The following PGR variants were observed in gnomAD, a reference collection of about 807,000 sequenced individuals.
The protein encoded by PGR is nuclear receptor subfamily 3 group C member 3.
PGR carries 25 observed loss-of-function variants against 76.1 expected under a neutral mutation model. That is an observed-to-expected ratio of 0.33 (90% CI 0.24 to 0.46). The LOEUF is 0.46. Among genes scored for constraint, PGR ranks in the 20% least tolerant of loss-of-function variants. The pLI, the probability that PGR is intolerant of heterozygous loss-of-function variation, is 1.00. For synonymous variants in PGR, 579 were observed against 535.0 expected (o/e 1.08, Z -1.14); for missense variants, 1,172 against 1,225.3 (o/e 0.96, Z 0.65).
At chr11:101,118,722 C>T (rs1003997632) in intron 2 of PGR, among the ~76,000 whole-genome samples, 2 of 152,128 alleles carry the variant, frequency 1.3e-5, no homozygotes, top group African/African-American at 2.4e-5. Context: ...CATAATATCT[C>T]ATCAGAGGAG....
intron 2 of PGR, among the ~76,000 whole-genome samples, chr11:101,105,650 G>T (rs945297979): frequency 6.6e-6 from 1 of 151,964 alleles, no homozygotes; most frequent in Non-Finnish European, 1.5e-5. Context: ...TGGCCATACT[G>T]CCCAAAGTAA....
Position 101,067,590 on chromosome 11 carries a change from C to T in PGR, c.1907-4838G>A, listed in dbSNP as rs140063426. On this transcript the variant is annotated intron_variant, in intron 3 of 7. Transcript: ENST00000325455. Reference sequence around the variant, plus strand: ...GAGCATGTATTACAGTCAGAAATTTCATGCCCAGGTGTGCAGGTTACCTAC... The same window carrying T: ...GAGCATGTATTACAGTCAGAAATTTTATGCCCAGGTGTGCAGGTTACCTAC... 9.7e-4 allele frequency among the ~76,000 whole-genome samples: 147 copies of T among 152,156 alleles called. 2 individuals carry two copies. In the East Asian group the frequency reaches 0.028, roughly 29 times the overall value.
At chr11:101,088,357 A>T (rs1169696124) in intron 3 of PGR, among the ~76,000 whole-genome samples, 1 of 152,178 alleles carries the variant, frequency 6.6e-6, no homozygotes, top group African/African-American at 2.4e-5. Context: ...CTTTTGAGAC[A>T]GTCTCGCTCT....
rs960390535 is a variant in PGR at position 101,035,543 on chromosome 11, C to T, written c.*3573G>A. ...TTGTAATTTCTAAACCCATTGTTCC[C>T]TTTTGTGGAATTGCTGCCATAGTAA... On this transcript the variant is annotated 3_prime_UTR_variant, in exon 8 of 8. Transcript: ENST00000325455. The T allele has an allele frequency of 3.0e-5, 7 of 231,934 alleles. No individual in the cohort carries two copies. Among genetic ancestry groups the T allele is most frequent in the Admixed American group, 2.3e-4 (4 of 17,734 alleles). 14.4% of individuals were successfully genotyped at this position (231,934 alleles called of 1,614,324 possible). A position where few individuals can be genotyped will look rare whatever the true frequency, so the allele number is the denominator to read the frequency against.
At chr11:101,113,952 C>G (rs952346317) in intron 2 of PGR, among the ~76,000 whole-genome samples, 1 of 152,048 alleles carries the variant, frequency 6.6e-6, no homozygotes. Context: ...TTTCATCCGC[C>G]CCCCCATCCA....
Position 101,037,705 on chromosome 11 carries a change from T to C in PGR, c.*1411A>G, listed in dbSNP as rs1214061452. ...GCAAAGGTGGAAAATTTAAAAGTAA[T>C]GAAGATAATTGATGGAGATAAAGCA... On this transcript the variant is annotated 3_prime_UTR_variant, in exon 8 of 8. Coordinates refer to ENST00000325455, the MANE Select transcript of PGR (RefSeq NM_000926.4). 1 of 226,160 alleles carries C rather than the reference T, an allele frequency of 4.4e-6. No homozygotes were observed. Among genetic ancestry groups the C allele is most frequent in the African/African-American group, 2.2e-5 (1 of 44,908 alleles). 14.0% of individuals were successfully genotyped at this position (226,160 alleles called of 1,614,324 possible).
At position 101,076,919 on chromosome 11, in the gene PGR, ATTTTTTTTT is replaced by A. The variant is rs59106149; in HGVS notation, c.1907-14176_1907-14168del. ...CTATTTTTTTAAAACTACAAATGGA[ATTTTTTTTT>A]TTTTTTTTTTTTTTTTTGCGACAGA... On this transcript the variant is annotated intron_variant, in intron 3 of 7. Coordinates refer to ENST00000325455, the MANE Select transcript of PGR (RefSeq NM_000926.4). Among the ~76,000 whole-genome samples the A allele has an allele frequency of 2.3e-3, 151 of 65,150 alleles. 1 individual carries two copies. Among genetic ancestry groups the A allele is most frequent in the East Asian group, 0.011 (44 of 4,160 alleles). The allele number at this position is 65,150 out of a possible 152,430, so 42.7% of individuals were successfully genotyped here.
intron 2 of PGR, 147 bp downstream of exon 2, chr11:101,125,860 T>C (rs1460998970): frequency 5.4e-6 from 4 of 745,498 alleles, no homozygotes; most frequent in Admixed American, 2.8e-5. Context: ...TAAAAACATA[T>C]TGTTAAAATG....
In PGR at chr11:101,127,904, C is replaced by T; in HGVS notation, c.1167G>A (p.Glu389=). 6.2e-7 allele frequency: 1 copy of T among 1,610,426 alleles called. No homozygotes were observed. Among genetic ancestry groups the T allele is most frequent in the Middle Eastern group, 1.7e-4 (1 of 6,060 alleles). Reference sequence around the variant, plus strand: ...CGGAGGCCTCCGCGCCTTCCTCCTCCTCCTTTATCTTTAGAGCGGGCGGCT... The same window carrying T: ...CGGAGGCCTCCGCGCCTTCCTCCTCTTCCTTTATCTTTAGAGCGGGCGGCT... ...DFQPPALKIK[E]EEEGAEASAR... is the part of the protein sequence containing the mutation. The change falls in exon 1 of 8, where the codon GAG becomes GAA. Residue 389 remains glutamate (E), a synonymous_variant. Coordinates refer to ENST00000325455, the MANE Select transcript of PGR (RefSeq NM_000926.4).
chr11:101,112,435 G>A (rs571696995), intron 2 of PGR, among the ~76,000 whole-genome samples: 1 of 152,240 alleles, frequency 6.6e-6, no homozygotes, highest in African/African-American at 2.4e-5. Context: ...AGGAGAGAGG[G>A]CTGGACTTGA....
At position 101,029,984 on chromosome 11, in the gene PGR, T is replaced by C. The variant is rs1167161911; in HGVS notation, c.*9132A>G. ...CAGATGAAAGGACAGTTTCACCTTC[T>C]TGGCAAAAACCTTCAGAACAATTGT... is the stretch of plus-strand genomic sequence containing the variant. On this transcript the variant is annotated 3_prime_UTR_variant, in exon 8 of 8. Coordinates refer to ENST00000325455, the MANE Select transcript of PGR (RefSeq NM_000926.4). The C allele has an allele frequency of 1.3e-5, 3 of 225,184 alleles. No individual in the cohort carries two copies. The East Asian group carries it at 1.9e-4, about 14-fold the overall frequency. The allele number at this position is 225,184 out of a possible 1,614,324, so 13.9% of individuals were successfully genotyped here.
intron 3 of PGR, among the ~76,000 whole-genome samples, chr11:101,073,300 G>A (rs1192470077): frequency 6.6e-6 from 1 of 152,130 alleles, no homozygotes; most frequent in Non-Finnish European, 1.5e-5. Flanking sequence ...CAACATACCA[G>A]AATCTCTGGG....
chr11:101,081,428 CAA>C (rs35694297), intron 3 of PGR, among the ~76,000 whole-genome samples: 4 of 138,468 alleles, frequency 2.9e-5, no homozygotes, highest in Non-Finnish European at 3.1e-5. Flanking sequence ...GGCTCCATCT[CAA>C]AAAAAAAAAA....
intron 2 of PGR, among the ~76,000 whole-genome samples, chr11:101,109,053 C>G (rs991764813): frequency 1.4e-4 from 21 of 152,170 alleles, no homozygotes; most frequent in African/African-American, 5.1e-4. Context: ...GTGCCACAAA[C>G]CTTGCCCATG....
At chr11:101,123,594 T>C (rs1862745942) in intron 2 of PGR, among the ~76,000 whole-genome samples, 1 of 152,240 alleles carries the variant, frequency 6.6e-6, no homozygotes, top group South Asian at 2.1e-4. Flanking sequence ...GTAATCTTAA[T>C]TTCTTCACTC....
Position 101,127,646 on chromosome 11 carries a change from G to C in PGR, c.1425C>G (p.Phe475Leu), listed in dbSNP as rs1175212985. Residue 475 changes from phenylalanine to leucine, a missense_variant, in exon 1 of 8, where the codon TTC becomes TTG. By Grantham distance (22) the Phe-to-Leu change is conservative (BLOSUM62 0). Around this residue, in one of 4 missense-constraint regions of PGR, gnomAD observed 893 missense variants for 785.9 expected, o/e 1.14. Coordinates refer to ENST00000325455, the MANE Select transcript of PGR (RefSeq NM_000926.4). ...CCGGCGCCTTGCAGGGCGGCGGCGC[G>C]AACGGGCCCTGCTGGGGCGGCGCGC... ...AEGAPPQQGPFAPPPCKAPGA... is the reference protein window; with the variant it reads ...AEGAPPQQGPLAPPPCKAPGA... 3 of 1,421,590 alleles carry C rather than the reference G, an allele frequency of 2.1e-6. No individual in the cohort carries two copies. The highest frequency in any genetic ancestry group is 3.1e-5 in the South Asian group (2 of 65,028). The allele number at this position is 1,421,590 out of a possible 1,614,324, so 88.1% of individuals were successfully genotyped here.
At position 101,128,983 on chromosome 11, in the gene PGR, G is replaced by C. The variant is rs1016622652; in HGVS notation, c.88C>G (p.Arg30Gly). 1.9e-6 allele frequency: 3 copies of C among 1,597,710 alleles called. No homozygotes were observed. Among genetic ancestry groups the C allele is most frequent in the Non-Finnish European group, 2.6e-6 (3 of 1,171,494 alleles). The change falls in exon 1 of 8, where the codon CGC (arginine) becomes GGC (glycine). Residue 30 changes from arginine (R) to glycine (G), a missense_variant. Around this residue, in one of 4 missense-constraint regions of PGR, gnomAD observed 893 missense variants for 785.9 expected, o/e 1.14. Transcript: ENST00000325455. ...SPEVGSPLLC[R>G]PAAGPFPGSQ... ...CCCGGGAACGGACCTGCGGCTGGGCGACACAGCAGTGGGGATCCGACCTCG... is the reference window on the plus strand; with the variant it reads ...CCCGGGAACGGACCTGCGGCTGGGCCACACAGCAGTGGGGATCCGACCTCG...
At chr11:101,049,490 A>G (rs1261798448) in intron 6 of PGR, among the ~76,000 whole-genome samples, 2 of 152,200 alleles carry the variant, frequency 1.3e-5, no homozygotes, top group Non-Finnish European at 2.9e-5. Context: ...TTACATTAGT[A>G]TCACCACGAA....
At chr11:101,127,362 G>T in intron 1 of PGR, 72 bp downstream of exon 1, 2 of 1,223,450 alleles carry the variant, frequency 1.6e-6, no homozygotes, top group African/African-American at 3.2e-5. Flanking sequence ...GGGGCTGAGG[G>T]TTGGCGGCCG....
Sources: gnomAD v4.1 joint callset for allele counts (sites outside exome capture counted in the v4.1 genomes callset) on GRCh38, gnomAD v4.1.1 for gene constraint, gnomAD v4.1.1 regional missense constraint, MANE v1.5 for transcripts, NCBI Gene and HGNC (gene_info 2026-07-23, HGNC 2026-07-21) for gene names.